The following ALOX5 variants were observed in gnomAD, a reference collection of about 807,000 sequenced individuals.
ALOX5 encodes polyunsaturated fatty acid 5-lipoxygenase.
Under a neutral mutation model 87.9 loss-of-function variants are expected in ALOX5, and 64 were observed. The ratio of observed to expected loss-of-function variants is 0.73; its 90% CI spans 0.60 to 0.90. The LOEUF (loss-of-function observed/expected upper bound fraction) is 0.90. Ranked by LOEUF, ALOX5 falls within the 40% of genes least tolerant of loss-of-function variation. The probability of loss-of-function intolerance (pLI) is 0.00; values close to 1 mark genes in which losing one functional copy is unlikely to be tolerated. For missense variants in ALOX5, 822 were observed against 907.5 expected, an observed-to-expected ratio of 0.91 and a Z score of 1.21; for synonymous variants, 388 against 355.1, an observed-to-expected ratio of 1.09 and a Z score of -1.04.
chr10:45,418,341 T>A (rs1395709518), intron 4 of ALOX5, among the ~76,000 whole-genome samples: 1 of 151,952 alleles, frequency 6.6e-6, no homozygotes, highest in Non-Finnish European at 1.5e-5. Context: ...AGCCTCGGTG[T>A]CCTCAAATGA....
intron 7 of ALOX5, among the ~76,000 whole-genome samples, chr10:45,430,867 T>C (rs1282003004): frequency 2.0e-5 from 3 of 152,118 alleles, no homozygotes; most frequent in African/African-American, 7.2e-5. Context: ...CAGCCCCAAA[T>C]TGATCATATA....
intron 2 of ALOX5, among the ~76,000 whole-genome samples, chr10:45,386,809 C>G (rs1307915462): frequency 6.6e-6 from 1 of 152,136 alleles, no homozygotes; most frequent in Non-Finnish European, 1.5e-5. Context: ...CAGGCTTGGC[C>G]TTAAGCAATA....
At chr10:45,444,543 C>T (rs56145077) in intron 13 of ALOX5, 74,113 of 444,984 alleles carry the variant, frequency 0.17, 6,746 homozygotes, top group African/African-American at 0.19. Flanking sequence ...TGTGTGACGC[C>T]CCCTCCCCCC....
At chr10:45,392,175 C>T (rs1407058819) in intron 2 of ALOX5, among the ~76,000 whole-genome samples, 2 of 152,214 alleles carry the variant, frequency 1.3e-5, no homozygotes, top group Non-Finnish European at 2.9e-5. Context: ...TGAGGAGCCC[C>T]TCTGCCTGGC....
Position 45,382,689 on chromosome 10 carries a change from G to A in ALOX5, c.349+8G>A, listed in dbSNP as rs1309815107. 6.2e-7 allele frequency: 1 copy of A among 1,609,670 alleles called. No individual in the cohort carries two copies. The highest frequency in any genetic ancestry group is 2.2e-5 in the East Asian group (1 of 44,666). On this transcript the variant is annotated splice_region_variant and intron_variant, in intron 2 of 13. Coordinates refer to ENST00000374391, the MANE Select transcript of ALOX5 (RefSeq NM_000698.5). ...TCCTGAGGGATGGACGCGGTGAGCA[G>A]CTCAGGCCCCTTCTGCCCCGGGCTT...
At chr10:45,392,962 C>G (rs1353541307) in intron 2 of ALOX5, among the ~76,000 whole-genome samples, 2 of 152,148 alleles carry the variant, frequency 1.3e-5, no homozygotes, top group African/African-American at 4.8e-5. Flanking sequence ...CAATAATTAA[C>G]AGCCTACCAA....
At chr10:45,413,151 T>A (rs1841134586) in intron 4 of ALOX5, among the ~76,000 whole-genome samples, 1 of 152,118 alleles carries the variant, frequency 6.6e-6, no homozygotes, top group Non-Finnish European at 1.5e-5. Flanking sequence ...AAAGAGAATT[T>A]TAGACCAATA....
At chr10:45,395,620 GAA>G (rs1840471192) in intron 2 of ALOX5, among the ~76,000 whole-genome samples, 1 of 143,310 alleles carries the variant, frequency 7.0e-6, no homozygotes, top group Non-Finnish European at 1.5e-5. Context: ...AAAAAAAAAA[GAA>G]AATTCACTAA....
chr10:45,446,053 C>T lies in ALOX5; in HGVS notation c.*366C>T, dbSNP rs773941761. 4 of 235,490 alleles carry T rather than the reference C, an allele frequency of 1.7e-5. No individual in the cohort carries two copies. The highest frequency in any genetic ancestry group is 3.3e-5 in the Non-Finnish European group (4 of 122,852). The allele number at this position is 235,490 out of a possible 1,614,324, so 14.6% of individuals were successfully genotyped here. On this transcript the variant is annotated 3_prime_UTR_variant, in exon 14 of 14. Transcript: ENST00000374391. ...CAATTCCTTGCACATAGTAGGTACC[C>T]AATTCAATTACTATTGAATGAATTA...
chr10:45,437,932 A>G (rs1383200381), intron 7 of ALOX5, among the ~76,000 whole-genome samples: 1 of 152,260 alleles, frequency 6.6e-6, no homozygotes, highest in Non-Finnish European at 1.5e-5. Flanking sequence ...GGCTTGCTAA[A>G]AAAACTTTTT....
At chr10:45,375,242 A>G (rs1864412) in intron 1 of ALOX5, among the ~76,000 whole-genome samples, 25,523 of 152,134 alleles carry the variant, frequency 0.17, 2,211 homozygotes, top group South Asian at 0.19. Context: ...TGAGGACGCG[A>G]GGGAGCCCTC....
At chr10:45,428,901 G>A (rs1301620841) in intron 7 of ALOX5, 137 bp downstream of exon 7, 1 of 1,208,928 alleles carries the variant, frequency 8.3e-7, no homozygotes, top group African/African-American at 1.5e-5. Context: ...CCCTGAGGTG[G>A]GCTGTCCATA....
intron 1 of ALOX5, 120 bp downstream of exon 1, chr10:45,374,549 G>A (rs1839515940): frequency 1.0e-6 from 1 of 1,002,168 alleles, no homozygotes; most frequent in Non-Finnish European, 1.3e-6. Flanking sequence ...ACAGGACTGG[G>A]GGTGTCCAGG....
chr10:45,433,397 C>T (rs981125285), intron 7 of ALOX5, among the ~76,000 whole-genome samples: 2 of 152,156 alleles, frequency 1.3e-5, no homozygotes, highest in Non-Finnish European at 1.5e-5. Flanking sequence ...GTTGTGTTAC[C>T]GAGCTGGACT....
At chr10:45,432,731 G>GA (rs1841947120) in intron 7 of ALOX5, among the ~76,000 whole-genome samples, 2 of 152,138 alleles carry the variant, frequency 1.3e-5, no homozygotes, top group Admixed American at 1.3e-4. Flanking sequence ...AACGAATTTA[G>GA]AAAAACTAAT....
rs1364457271 is a variant in ALOX5 at position 45,382,632 on chromosome 10, C to G, written c.300C>G (p.Cys100Trp). Reference sequence around the variant, plus strand: ...ACGGGGACTACATCGAGTTCCCCTGCTACCGCTGGATCACCGGCGATGTCG... The same window carrying G: ...ACGGGGACTACATCGAGTTCCCCTGGTACCGCTGGATCACCGGCGATGTCG... ...TPHGDYIEFP[C>W]YRWITGDVEV... Residue 100 changes from cysteine (C) to tryptophan (W), a missense_variant, in exon 2 of 14, where the codon TGC (cysteine) becomes TGG (tryptophan). Coordinates refer to ENST00000374391, the MANE Select transcript of ALOX5 (RefSeq NM_000698.5). The G allele has an allele frequency of 1.2e-6, 2 of 1,613,962 alleles. No homozygotes were observed. The highest frequency in any genetic ancestry group is 1.7e-6 in the Non-Finnish European group (2 of 1,179,988).
chr10:45,376,431 A>G (rs1839616248), intron 1 of ALOX5, among the ~76,000 whole-genome samples: 2 of 152,124 alleles, frequency 1.3e-5, no homozygotes, highest in South Asian at 4.1e-4. Flanking sequence ...GTTCCTGTTG[A>G]TGCAAAGTTA....
At chr10:45,378,604 A>C (rs958372092) in intron 1 of ALOX5, among the ~76,000 whole-genome samples, 1 of 152,226 alleles carries the variant, frequency 6.6e-6, no homozygotes, top group African/African-American at 2.4e-5. Flanking sequence ...TGGCCATTGT[A>C]GTTCCACAAA....
chr10:45,443,925 C>T, intron 12 of ALOX5, 97 bp downstream of exon 12: 1 of 1,459,276 alleles, frequency 6.9e-7, no homozygotes, highest in Non-Finnish European at 9.2e-7. Context: ...CCTCGGACAG[C>T]CTCGGGGCCT....
Sources: allele counts gnomAD v4.1 joint callset (sites outside exome capture counted in the v4.1 genomes callset), GRCh38; gene constraint gnomAD v4.1.1; transcripts MANE v1.5; gene names NCBI Gene and HGNC (gene_info 2026-07-23, HGNC 2026-07-21).